TF: variants seen among roughly 807,000 people sequenced by gnomAD.
TF encodes serotransferrin.
A neutral mutation model predicts 82.4 loss-of-function variants in TF; 55 were observed. The ratio of observed to expected loss-of-function variants is 0.67; its 90% CI spans 0.54 to 0.84. TF has a LOEUF of 0.84. TF is among the 40% of genes least tolerant of loss of function. The pLI is 0.00. For missense variants in TF, 737 were observed against 868.4 expected (o/e 0.85, Z 1.90); for synonymous variants, 332 against 332.6 (o/e 1.00, Z 0.02).
At chr3:133,743,297 T>C (rs1234292084), upstream of TF, among the ~76,000 whole-genome samples, 3 of 152,208 alleles carry the variant, frequency 2.0e-5, no homozygotes. Flanking sequence ...CTGAGCATAA[T>C]CAAGCCAGTC....
the TF span, among the ~76,000 whole-genome samples, chr3:133,684,522 A>G: frequency 2.0e-5 from 3 of 152,234 alleles, no homozygotes; most frequent in African/African-American, 4.8e-5. Context: ...TAAAGGGGAT[A>G]TCACCACCAA....
At chr3:133,723,876 A>G in the TF span, among the ~76,000 whole-genome samples, 3 of 151,876 alleles carry the variant, frequency 2.0e-5, no homozygotes, top group Admixed American at 1.3e-4. Context: ...TCATTGTTCA[A>G]TTCCCATCTA....
chr3:133,739,264 GTA>G, the TF span, among the ~76,000 whole-genome samples: 2 of 152,296 alleles, frequency 1.3e-5, no homozygotes, highest in East Asian at 3.9e-4. Context: ...CTAGCCATAT[GTA>G]GAAAACTGAA....
chr3:133,722,692 A>G, the TF span, among the ~76,000 whole-genome samples: 1 of 152,280 alleles, frequency 6.6e-6, no homozygotes, highest in African/African-American at 2.4e-5. Flanking sequence ...CACAGTTAAT[A>G]TTTTTGTTGC....
Position 133,786,333 on chromosome 3 carries a change from T to C in TF, c.*7713T>C, listed in dbSNP as rs965740891. On this transcript the variant is annotated 3_prime_UTR_variant, in exon 17 of 17. Transcript: ENST00000402696. ...AGTAAAATAACACATTTTGTAAATC[T>C]TTTTGTTAAAATTCATATGTAATGT... The C allele has an allele frequency of 1.3e-5, 2 of 152,208 alleles. No individual in the cohort carries two copies. The allele number at this position is 152,208 out of a possible 1,614,324, so 9.4% of individuals were successfully genotyped here. A position where few individuals can be genotyped will look rare whatever the true frequency, so the allele number is the denominator to read the frequency against.
chr3:133,711,607 C>G, the TF span, among the ~76,000 whole-genome samples: 3 of 152,114 alleles, frequency 2.0e-5, no homozygotes, highest in African/African-American at 7.2e-5. Flanking sequence ...CCCCTTTGTG[C>G]TCCTCTAGCC....
At chr3:133,735,708 G>C in the TF span, among the ~76,000 whole-genome samples, 1 of 152,142 alleles carries the variant, frequency 6.6e-6, no homozygotes, top group Non-Finnish European at 1.5e-5. Context: ...GGATATCAGA[G>C]ATTGAAGATC....
chr3:133,762,267 G>T, intron 9 of TF: 1 of 193,718 alleles, frequency 5.2e-6, no homozygotes, highest in Admixed American at 4.7e-5. Flanking sequence ...GATTTGTTGT[G>T]CCAAATCAAA....
At chr3:133,681,876 A>G in the TF span, among the ~76,000 whole-genome samples, 1 of 152,192 alleles carries the variant, frequency 6.6e-6, no homozygotes. Flanking sequence ...ATGGAGTTTG[A>G]GATCTGAGAA....
chr3:133,770,214 C>T (rs767153210), intron 13 of TF, among the ~76,000 whole-genome samples: 6 of 152,168 alleles, frequency 3.9e-5, no homozygotes, highest in Non-Finnish European at 7.3e-5. Context: ...GGCATCACCT[C>T]ACTGAAAATC....
chr3:133,700,730 A>G, the TF span, among the ~76,000 whole-genome samples: 1 of 152,218 alleles, frequency 6.6e-6, no homozygotes, highest in African/African-American at 2.4e-5. Flanking sequence ...TTCCCTCACC[A>G]TGAGCCAGGG....
At chr3:133,674,215 TG>T in the TF span, among the ~76,000 whole-genome samples, 1 of 152,208 alleles carries the variant, frequency 6.6e-6, no homozygotes, top group Non-Finnish European at 1.5e-5. Flanking sequence ...TAGGAGCTGC[TG>T]GGCTAGATGA....
At chr3:133,725,139 G>A in the TF span, among the ~76,000 whole-genome samples, 2 of 152,136 alleles carry the variant, frequency 1.3e-5, no homozygotes, top group East Asian at 3.8e-4. Flanking sequence ...GGCGATGGGG[G>A]CTCTTTTTTG....
chr3:133,680,369 C>T, the TF span, among the ~76,000 whole-genome samples: 1 of 151,786 alleles, frequency 6.6e-6, no homozygotes, highest in African/African-American at 2.4e-5. Flanking sequence ...CCACACCTAA[C>T]TAATTTTGTA....
intron 12 of TF, among the ~76,000 whole-genome samples, chr3:133,767,013 G>A (rs981330591): frequency 2.0e-5 from 3 of 152,146 alleles, no homozygotes; most frequent in African/African-American, 2.4e-5. Context: ...CCCTACCCCA[G>A]ATAAAACCAG....
At chr3:133,776,879 G>A (rs1344074474) in intron 15 of TF, among the ~76,000 whole-genome samples, 170 bp from the exon 16 acceptor site, 4 of 152,020 alleles carry the variant, frequency 2.6e-5, no homozygotes, top group African/African-American at 9.7e-5. Flanking sequence ...ATGCAGCTGG[G>A]GCCCTAAGTG....
chr3:133,701,152 G>A, the TF span: 2 of 152,538 alleles, frequency 1.3e-5, no homozygotes. Flanking sequence ...TTCACCCAAA[G>A]TTTATTGGCC....
chr3:133,687,529 C>T, the TF span, among the ~76,000 whole-genome samples: 3 of 152,118 alleles, frequency 2.0e-5, no homozygotes, highest in Non-Finnish European at 4.4e-5. Flanking sequence ...AGTTCCAAAA[C>T]ATTTTCACCA....
chr3:133,765,091 C>T (rs1163758146), intron 11 of TF, among the ~76,000 whole-genome samples, 184 bp downstream of exon 11: 2 of 152,150 alleles, frequency 1.3e-5, no homozygotes, highest in African/African-American at 2.4e-5. Context: ...ATGGCTTGCA[C>T]ACAGGATTTT....
Sources: allele counts gnomAD v4.1 joint callset (sites outside exome capture counted in the v4.1 genomes callset), GRCh38; gene constraint gnomAD v4.1.1; transcripts MANE v1.5; gene names NCBI Gene and HGNC (gene_info 2026-07-23, HGNC 2026-07-21).